Variants in PRELID2 observed in about 807,000 individuals in gnomAD.
PRELID2 encodes the protein PRELI domain-containing protein 2.
In PRELID2, 25 loss-of-function variants were observed where a neutral mutation model predicts 28.4. The ratio of observed to expected loss-of-function variants is 0.88; its 90% CI spans 0.64 to 1.23. The LOEUF (loss-of-function observed/expected upper bound fraction) is 1.23, where lower values mean the gene tolerates loss of function less well. PRELID2 is among the 50% of genes most tolerant of loss of function. PRELID2 has a pLI of 0.00. For synonymous variants in PRELID2, 76 were observed against 71.6 expected, an observed-to-expected ratio of 1.06 and a Z score of -0.31; for missense variants, 201 against 214.4, an observed-to-expected ratio of 0.94 and a Z score of 0.39.
downstream of PRELID2, among the ~76,000 whole-genome samples, chr5:145,468,203 G>A (rs1752020772): frequency 6.6e-6 from 1 of 152,102 alleles, no homozygotes; most frequent in Non-Finnish European, 1.5e-5. Context: ...TGCTGAGAAT[G>A]GTGGTTTCCA....
chr5:145,832,713 G>T (rs898335369), intron 1 of PRELID2, among the ~76,000 whole-genome samples: 16 of 151,960 alleles, frequency 1.1e-4, no homozygotes, highest in African/African-American at 3.6e-4. Flanking sequence ...CTTCCTGAGG[G>T]TGCTGGCAGC....
chr5:145,537,641 C>A (rs1752710774), intron 1 of PRELID2, among the ~76,000 whole-genome samples: 3 of 151,502 alleles, frequency 2.0e-5, no homozygotes, highest in Non-Finnish European at 4.4e-5. Context: ...CTATTAAAAT[C>A]TTTTGCCTGT....
intron 1 of PRELID2, among the ~76,000 whole-genome samples, chr5:145,491,306 GGGCCAAGGA>G (rs1752266676): frequency 2.0e-5 from 3 of 152,128 alleles, no homozygotes; most frequent in Non-Finnish European, 4.4e-5. Flanking sequence ...CATGGTGGAA[GGGCCAAGGA>G]GCTCCCTTGG....
chr5:145,287,619 G>A, the PRELID2 span, among the ~76,000 whole-genome samples: 15 of 152,252 alleles, frequency 9.9e-5, no homozygotes, highest in East Asian at 2.9e-3. Flanking sequence ...AACTGATGTA[G>A]ATTTAGATTT....
At chr5:145,425,780 G>A in the PRELID2 span, among the ~76,000 whole-genome samples, 3 of 152,070 alleles carry the variant, frequency 2.0e-5, no homozygotes, top group East Asian at 1.9e-4. Flanking sequence ...CGGGAATGAC[G>A]ATGGCACACA....
chr5:145,831,016 T>C (rs532611665), intron 1 of PRELID2, among the ~76,000 whole-genome samples: 24 of 152,308 alleles, frequency 1.6e-4, no homozygotes, highest in Admixed American at 3.3e-4. Context: ...CCAGTGATCC[T>C]CATATGATTG....
At chr5:145,763,059 T>C (rs1581154335) in intron 6 of PRELID2, among the ~76,000 whole-genome samples, 2 of 152,324 alleles carry the variant, frequency 1.3e-5, no homozygotes, top group East Asian at 3.9e-4. Flanking sequence ...TGTTAACAAA[T>C]CCTCCAGATG....
At chr5:145,284,450 G>T in the PRELID2 span, among the ~76,000 whole-genome samples, 1 of 152,036 alleles carries the variant, frequency 6.6e-6, no homozygotes, top group Non-Finnish European at 1.5e-5. Flanking sequence ...AGCCGGGCAA[G>T]AAATGCTAAA....
At chr5:145,330,692 C>G in the PRELID2 span, among the ~76,000 whole-genome samples, 1 of 151,992 alleles carries the variant, frequency 6.6e-6, no homozygotes, top group Non-Finnish European at 1.5e-5. Flanking sequence ...GGCTAGTGGT[C>G]TATCTATTTT....
chr5:145,419,246 G>C, the PRELID2 span, among the ~76,000 whole-genome samples: 9 of 145,328 alleles, frequency 6.2e-5, no homozygotes, highest in African/African-American at 1.8e-4. Flanking sequence ...TATATACCCA[G>C]TAATGGGATG....
At chr5:145,663,650 C>G (rs1387932328) in intron 1 of PRELID2, among the ~76,000 whole-genome samples, 1 of 152,100 alleles carries the variant, frequency 6.6e-6, no homozygotes, top group South Asian at 2.1e-4. Context: ...TTTATTAATA[C>G]GTGCCACACC....
rs114771451 is a variant in PRELID2, at chr5:145,522,968, A to G, written n.71-49653T>C. Reference sequence around the variant, plus strand: ...AAGTGTTGTGTGCCATTATGTATAAACCCTTTAAAGATCACCTTAAAACAA... The same window carrying G: ...AAGTGTTGTGTGCCATTATGTATAAGCCCTTTAAAGATCACCTTAAAACAA... On this transcript the variant is annotated intron_variant and non_coding_transcript_variant, in intron 1 of 2. Transcript: ENST00000510259. Among the ~76,000 whole-genome samples the G allele has an allele frequency of 2.6e-3, 391 of 152,306 alleles. 2 individuals are homozygous for G. The highest frequency in any genetic ancestry group is 9.1e-3 in the African/African-American group (377 of 41,568).
chr5:145,335,529 T>A, the PRELID2 span, among the ~76,000 whole-genome samples: 1 of 152,166 alleles, frequency 6.6e-6, no homozygotes. Flanking sequence ...ACTTCTTGTG[T>A]TTTTCTGTTT....
In PRELID2 at chr5:145,638,347, C is replaced by T. The variant is rs138325016; in HGVS notation, n.70+126584G>A. 1.4e-3 allele frequency among the ~76,000 whole-genome samples: 210 copies of T among 152,282 alleles called. 2 individuals carry two copies. Among genetic ancestry groups the T allele is most frequent in the African/African-American group, 4.6e-3 (192 of 41,552 alleles). ...TAATGATATACACTACTACAGCATA[C>T]TCAAAGCTGCTTTTATCCTGACAAC... On this transcript the variant is annotated intron_variant and non_coding_transcript_variant, in intron 1 of 2. Coordinates refer to the PRELID2 transcript ENST00000510259.
chr5:145,613,829 T>C (rs188108569), intron 1 of PRELID2, among the ~76,000 whole-genome samples: 3 of 152,284 alleles, frequency 2.0e-5, no homozygotes, highest in East Asian at 3.9e-4. Context: ...TTTAATGAGG[T>C]TTAGCTATTT....
the PRELID2 span, among the ~76,000 whole-genome samples, chr5:145,273,065 A>C: frequency 6.6e-6 from 1 of 152,168 alleles, no homozygotes; most frequent in Non-Finnish European, 1.5e-5. Flanking sequence ...ATGCTGGAAA[A>C]TATGGACAAT....
At chr5:145,425,948 C>T in the PRELID2 span, among the ~76,000 whole-genome samples, 1 of 152,164 alleles carries the variant, frequency 6.6e-6, no homozygotes, top group African/African-American at 2.4e-5. Context: ...ACACAAGGCA[C>T]CTGCCTGGGA....
At chr5:145,603,652 T>G (rs901794683) in intron 1 of PRELID2, among the ~76,000 whole-genome samples, 1 of 152,058 alleles carries the variant, frequency 6.6e-6, no homozygotes, top group Non-Finnish European at 1.5e-5. Context: ...TATACAGGAA[T>G]GCTTAAATAA....
the PRELID2 span, among the ~76,000 whole-genome samples, chr5:145,337,733 T>TCACACA: frequency 4.2e-5 from 4 of 96,070 alleles, no homozygotes; most frequent in African/African-American, 1.6e-4. Flanking sequence ...ATATATATAC[T>TCACACA]CACACACACA....
Sources: allele counts gnomAD v4.1 joint callset (sites outside exome capture counted in the v4.1 genomes callset), GRCh38; gene constraint gnomAD v4.1.1; transcripts MANE v1.5; gene names NCBI Gene and HGNC (gene_info 2026-07-23, HGNC 2026-07-21).